The following GABRA2 variants were observed in gnomAD, a reference collection of about 807,000 sequenced individuals.
The protein encoded by GABRA2 is gamma-aminobutyric acid type A receptor subunit alpha2.
Under a neutral mutation model 48.7 loss-of-function variants are expected in GABRA2, and 16 were observed. The ratio of observed to expected loss-of-function variants is 0.33; its 90% CI spans 0.22 to 0.50. The LOEUF is 0.50. Among genes scored for constraint, GABRA2 ranks in the 20% least tolerant of loss-of-function variants. The probability of loss-of-function intolerance (pLI) is 0.98; values close to 1 mark genes in which losing one functional copy is unlikely to be tolerated. For missense variants in GABRA2, 275 were observed against 535.6 expected, an observed-to-expected ratio of 0.51 and a Z score of 4.80; for synonymous variants, 185 against 184.5, an observed-to-expected ratio of 1.00 and a Z score of -0.02.
intron 3 of GABRA2, among the ~76,000 whole-genome samples, chr4:46,352,070 T>C (rs775636481): frequency 6.6e-6 from 1 of 151,990 alleles, no homozygotes; most frequent in Non-Finnish European, 1.5e-5. Flanking sequence ...CAAAGGCAGC[T>C]ATGGTACAAC....
chr4:46,321,434 CTATTA>C (rs1729431524), intron 4 of GABRA2, among the ~76,000 whole-genome samples: 3 of 152,072 alleles, frequency 2.0e-5, no homozygotes, highest in African/African-American at 7.2e-5. Context: ...TAGCCACTTA[CTATTA>C]TAAGTGCACT....
At chr4:46,329,281 G>T (rs1006405358) in intron 4 of GABRA2, among the ~76,000 whole-genome samples, 6 of 152,020 alleles carry the variant, frequency 3.9e-5, no homozygotes, top group South Asian at 2.1e-4. Context: ...ACAATGTCAG[G>T]TTTTGTCAAT....
chr4:46,295,405 T>C (rs1724447308), intron 8 of GABRA2, among the ~76,000 whole-genome samples: 1 of 152,220 alleles, frequency 6.6e-6, no homozygotes. Context: ...CCCCTCTGAG[T>C]GGTTAAAAAC....
At position 46,298,437 on chromosome 4, in the gene GABRA2, T is replaced by C. The variant is rs578243858; in HGVS notation, c.856+5023A>G. Among the ~76,000 whole-genome samples, 7 of 152,188 alleles carry C rather than the reference T, an allele frequency of 4.6e-5. No individual in the cohort carries two copies. In the South Asian group the frequency reaches 1.4e-3, roughly 31 times the overall value. ...TGTATGTGGGCTTTGTTTTGTTTTA[T>C]TGTACTCACAATAGTGGAAATGCAT... On this transcript the variant is annotated intron_variant, in intron 8 of 9. Transcript: ENST00000381620.
At chr4:46,358,334 T>G in intron 3 of GABRA2, among the ~76,000 whole-genome samples, 1 of 152,228 alleles carries the variant, frequency 6.6e-6, no homozygotes, top group Non-Finnish European at 1.5e-5. Context: ...TAGAGGATAC[T>G]GTTATTTAAC....
intron 3 of GABRA2, among the ~76,000 whole-genome samples, chr4:46,374,329 C>T (rs1264168521): frequency 6.6e-6 from 1 of 152,154 alleles, no homozygotes; most frequent in East Asian, 1.9e-4. Context: ...CAGTTCAAGT[C>T]TGGAGTTATC....
chr4:46,345,069 C>T (rs537179616), intron 3 of GABRA2, among the ~76,000 whole-genome samples: 5 of 151,916 alleles, frequency 3.3e-5, no homozygotes, highest in Admixed American at 2.0e-4. Context: ...CTATGCTGTT[C>T]TCATGATAGT....
At chr4:46,329,162 T>G (rs1283437464) in intron 4 of GABRA2, among the ~76,000 whole-genome samples, 1 of 152,098 alleles carries the variant, frequency 6.6e-6, no homozygotes, top group Non-Finnish European at 1.5e-5. Context: ...TACACACTAT[T>G]AGTATTTCAG....
intron 9 of GABRA2, chr4:46,260,841 C>A (rs1716815043): frequency 6.6e-6 from 1 of 151,764 alleles, no homozygotes; most frequent in African/African-American, 2.4e-5. Context: ...AATAAATAAT[C>A]AGTCTTATTA....
chr4:46,266,880 T>C (rs1180362966), intron 8 of GABRA2, among the ~76,000 whole-genome samples: 1 of 151,424 alleles, frequency 6.6e-6, no homozygotes, highest in Admixed American at 6.6e-5. Context: ...CACCACCACG[T>C]CCAGCTTATT....
chr4:46,295,873 C>T (rs1724539781), intron 8 of GABRA2, among the ~76,000 whole-genome samples: 1 of 152,188 alleles, frequency 6.6e-6, no homozygotes, highest in Admixed American at 6.5e-5. Context: ...CCAAGACTAT[C>T]ATCTATGGAC....
intron 3 of GABRA2, among the ~76,000 whole-genome samples, chr4:46,339,856 T>C (rs2109848595): frequency 6.6e-6 from 1 of 152,002 alleles, no homozygotes; most frequent in East Asian, 1.9e-4. Context: ...TCTGAATTTC[T>C]ATTTGCAGTC....
At chr4:46,388,929 T>TC in intron 1 of GABRA2, 1 of 1,337,988 alleles carries the variant, frequency 7.5e-7, no homozygotes, top group Non-Finnish European at 9.6e-7. Flanking sequence ...TTTCTTTCTT[T>TC]CTTTTTTTCT....
intron 3 of GABRA2, among the ~76,000 whole-genome samples, chr4:46,360,865 A>T: frequency 6.6e-6 from 1 of 152,168 alleles, no homozygotes; most frequent in Non-Finnish European, 1.5e-5. Flanking sequence ...TGGAGCAAAG[A>T]TGACTCTTGT....
intron 8 of GABRA2, among the ~76,000 whole-genome samples, chr4:46,289,045 A>G (rs1723089322): frequency 1.3e-5 from 2 of 152,042 alleles, no homozygotes; most frequent in Non-Finnish European, 2.9e-5. Context: ...TATTAAAAAG[A>G]CAAAAAAAAA....
At chr4:46,335,358 C>A (rs1033537551) in intron 3 of GABRA2, among the ~76,000 whole-genome samples, 1 of 152,140 alleles carries the variant, frequency 6.6e-6, no homozygotes, top group African/African-American at 2.4e-5. Context: ...ATATTCTGAT[C>A]CATTGAACAG....
In GABRA2 at chr4:46,276,241, CA is replaced by C. The variant is rs145992766; in HGVS notation, c.857-14114del. 7.5e-3 allele frequency among the ~76,000 whole-genome samples: 1,144 copies of C among 152,038 alleles called. 14 individuals carry two copies. Among genetic ancestry groups the C allele is most frequent in the African/African-American group, 0.026 (1,079 of 41,488 alleles). On this transcript the variant is annotated intron_variant, in intron 8 of 9. Coordinates refer to ENST00000381620, the MANE Select transcript of GABRA2 (RefSeq NM_000807.4). ...GAGAAATGGGTTTACTGAATGTAGTCAAAAGCAGTAAATTCTTCACTCAGAT... is the reference window on the plus strand; with the variant it reads ...GAGAAATGGGTTTACTGAATGTAGTCAAAGCAGTAAATTCTTCACTCAGAT...
chr4:46,287,509 C>A (rs561128971), intron 8 of GABRA2, among the ~76,000 whole-genome samples: 94 of 150,580 alleles, frequency 6.2e-4, no homozygotes, highest in South Asian at 1.9e-3. Context: ...AATCATCATT[C>A]TCAGTAAACT....
At chr4:46,329,131 CA>C (rs781522037) in intron 4 of GABRA2, among the ~76,000 whole-genome samples, 69 of 152,056 alleles carry the variant, frequency 4.5e-4, no homozygotes, top group Non-Finnish European at 8.8e-4. Context: ...TCCTGGTCCT[CA>C]GTTTACATCT....
Sources: gnomAD v4.1 joint callset for allele counts (sites outside exome capture counted in the v4.1 genomes callset) on GRCh38, gnomAD v4.1.1 for gene constraint, MANE v1.5 for transcripts, NCBI Gene and HGNC (gene_info 2026-07-23, HGNC 2026-07-21) for gene names.